FAM222B: variants seen among roughly 807,000 people sequenced by gnomAD.
FAM222B encodes the protein family with sequence similarity 222 member B, also known as protein FAM222B.
A neutral mutation model predicts 38.0 loss-of-function variants in FAM222B; 12 were observed. The ratio of observed to expected loss-of-function variants is 0.32; its 90% CI spans 0.20 to 0.51. The LOEUF is 0.51. Ranked by LOEUF, FAM222B falls within the 20% of genes least tolerant of loss-of-function variation. The probability of loss-of-function intolerance (pLI) is 0.97; values close to 1 mark genes in which losing one functional copy is unlikely to be tolerated. For synonymous variants in FAM222B, 329 were observed against 317.2 expected, an observed-to-expected ratio of 1.04 and a Z score of -0.40; for missense variants, 716 against 754.2, an observed-to-expected ratio of 0.95 and a Z score of 0.59.
rs182938126 is a variant in FAM222B at position 28,756,995 on chromosome 17, A to T, written c.*1275T>A. ...AGAATGGTGCAAAAATTTGTAACAAAACAGTCTAAGTTTAAAATTACAGAA... is the reference window on the plus strand; with the variant it reads ...AGAATGGTGCAAAAATTTGTAACAATACAGTCTAAGTTTAAAATTACAGAA... On this transcript the variant is annotated 3_prime_UTR_variant, in exon 3 of 3. Transcript: ENST00000581407. 1 of 152,628 alleles carries T rather than the reference A, an allele frequency of 6.6e-6. No homozygotes were observed. Among genetic ancestry groups the T allele is most frequent in the East Asian group, 1.9e-4 (1 of 5,190 alleles). The allele number at this position is 152,628 out of a possible 1,614,324, so 9.5% of individuals were successfully genotyped here.
At chr17:28,770,770 CTG>C (rs1258186409) in intron 1 of FAM222B, among the ~76,000 whole-genome samples, 2 of 151,772 alleles carry the variant, frequency 1.3e-5, no homozygotes, top group African/African-American at 2.4e-5. Context: ...CAGGGTTTCA[CTG>C]TGTTAGCCAG....
At chr17:28,783,847 G>A (rs780209913) in intron 1 of FAM222B, among the ~76,000 whole-genome samples, 1 of 151,436 alleles carries the variant, frequency 6.6e-6, no homozygotes, top group African/African-American at 2.4e-5. Context: ...TGCCCTGGCT[G>A]TAGTGCAGTG....
At chr17:28,850,762 A>G (rs1301999538) in intron 1 of FAM222B, among the ~76,000 whole-genome samples, 2 of 152,044 alleles carry the variant, frequency 1.3e-5, no homozygotes, top group South Asian at 2.1e-4. Flanking sequence ...GTGGTTCTAG[A>G]AACTTCTCGT....
In FAM222B at chr17:28,785,481, C is replaced by T. The variant is rs752661109; in HGVS notation, c.-40-18774G>A. 7.9e-5 allele frequency among the ~76,000 whole-genome samples: 12 copies of T among 152,088 alleles called. 1 individual carries two copies. In the South Asian group the frequency reaches 1.5e-3, roughly 18 times the overall value. On this transcript the variant is annotated intron_variant, in intron 1 of 2. Coordinates refer to ENST00000581407, the MANE Select transcript of FAM222B (RefSeq NM_001077498.3). ...ATCCCTCTGATTACACTATTATATA[C>T]GACAAAAACACACAATTCTAAGCCG...
intron 1 of FAM222B, among the ~76,000 whole-genome samples, chr17:28,774,319 A>G (rs186381527): frequency 8.1e-4 from 123 of 152,332 alleles, no homozygotes; most frequent in African/African-American, 2.8e-3. Context: ...AGAATCAAGT[A>G]GTAACCTGGA....
chr17:28,846,867 A>G (rs2039148923), upstream of FAM222B, among the ~76,000 whole-genome samples: 1 of 151,926 alleles, frequency 6.6e-6, no homozygotes, highest in Non-Finnish European at 1.5e-5. Flanking sequence ...GCAGAGGACC[A>G]TTTGAGGCCA....
intron 1 of FAM222B, among the ~76,000 whole-genome samples, chr17:28,826,681 C>CAAAAA (rs58793747): frequency 1.2e-5 from 1 of 85,030 alleles, no homozygotes; most frequent in Non-Finnish European, 2.5e-5. Context: ...AACTCCGTCT[C>CAAAAA]AAAAAAAAAA....
At chr17:28,809,473 T>A (rs962306212) in intron 1 of FAM222B, among the ~76,000 whole-genome samples, 6 of 152,120 alleles carry the variant, frequency 3.9e-5, no homozygotes, top group African/African-American at 1.4e-4. Flanking sequence ...CCCCTCAACC[T>A]AAGAGATTAT....
chr17:28,823,709 C>CA (rs1341269907), intron 1 of FAM222B, among the ~76,000 whole-genome samples: 1 of 152,074 alleles, frequency 6.6e-6, no homozygotes, highest in African/African-American at 2.4e-5. Context: ...TCTCTAGCCA[C>CA]AAACCATCTG....
intron 1 of FAM222B, chr17:28,834,700 T>G (rs560792101): frequency 6.6e-6 from 1 of 152,070 alleles, no homozygotes; most frequent in Non-Finnish European, 1.5e-5. Context: ...ACTATTTATG[T>G]GTTGGTCTCT....
chr17:28,774,949 ATAAAT>A (rs1374122515), intron 1 of FAM222B, among the ~76,000 whole-genome samples: 2 of 151,190 alleles, frequency 1.3e-5, no homozygotes, highest in Non-Finnish European at 2.9e-5. Flanking sequence ...CTCAAAATAA[ATAAAT>A]TAAATAAATA....
chr17:28,788,812 G>A (rs2036533598), intron 1 of FAM222B, among the ~76,000 whole-genome samples: 1 of 151,920 alleles, frequency 6.6e-6, no homozygotes. Context: ...TGCAATATTG[G>A]CTTACTATAA....
At chr17:28,791,211 A>G (rs2036670367) in intron 1 of FAM222B, among the ~76,000 whole-genome samples, 1 of 151,614 alleles carries the variant, frequency 6.6e-6, no homozygotes, top group Non-Finnish European at 1.5e-5. Context: ...GCCTGGACAA[A>G]TTTTTTTATT....
At chr17:28,769,242 C>T (rs2035497163) in intron 1 of FAM222B, among the ~76,000 whole-genome samples, 1 of 128,020 alleles carries the variant, frequency 7.8e-6, no homozygotes, top group Non-Finnish European at 1.6e-5. Flanking sequence ...TGCAGTGGTG[C>T]GATCTCGGTT....
chr17:28,805,081 G>A (rs1328351546), intron 1 of FAM222B, among the ~76,000 whole-genome samples: 2 of 151,926 alleles, frequency 1.3e-5, no homozygotes, highest in African/African-American at 4.8e-5. Flanking sequence ...AGTGTAGTCT[G>A]GACATGATAG....
intron 1 of FAM222B, among the ~76,000 whole-genome samples, chr17:28,811,936 T>C (rs1206805573): frequency 6.6e-6 from 1 of 152,088 alleles, no homozygotes; most frequent in African/African-American, 2.4e-5. Flanking sequence ...CTGCATCAGA[T>C]ACCACACAAA....
At chr17:28,850,458 C>T (rs913237650) in intron 1 of FAM222B, among the ~76,000 whole-genome samples, 44 of 151,980 alleles carry the variant, frequency 2.9e-4, no homozygotes, top group African/African-American at 9.4e-4. Context: ...CCTGACACCA[C>T]GCCCGGCTTT....
rs760331035 is a variant in FAM222B, at chr17:28,759,742, G to A, written c.217C>T (p.His73Tyr). The A allele has an allele frequency of 7.4e-6, 12 of 1,613,824 alleles. No individual in the cohort carries two copies. Among genetic ancestry groups the A allele is most frequent in the Non-Finnish European group, 1.0e-5 (12 of 1,179,824 alleles). ...PNSVKVPQRK[H>Y]VRRTVNGLDT... ...AGGCCGTTCACAGTACGACGAACGT[G>A]TTTCCGCTGGGGAACCTTCACACTG... The change falls in exon 3 of 3, where the codon CAC becomes TAC. Residue 73 changes from histidine (H) to tyrosine (Y), a missense_variant. His to Tyr is a moderately conservative substitution (Grantham distance 83, BLOSUM62 2). Coordinates refer to ENST00000581407, the MANE Select transcript of FAM222B (RefSeq NM_001077498.3). This position sits in a 1 kb window ranked among gnomAD's most constrained non-coding sequence, Gnocchi z 4.8.
At chr17:28,837,333 G>A (rs2152624169) in intron 1 of FAM222B, among the ~76,000 whole-genome samples, 1 of 150,666 alleles carries the variant, frequency 6.6e-6, no homozygotes, top group East Asian at 2.0e-4. Context: ...GGGAGGCTGA[G>A]GCAGGAGAAT....
Sources: gnomAD v4.1 joint callset for allele counts (sites outside exome capture counted in the v4.1 genomes callset) on GRCh38, gnomAD v4.1.1 for gene constraint, Gnocchi (gnomAD v3.1) non-coding constraint, MANE v1.5 for transcripts, NCBI Gene and HGNC (gene_info 2026-07-23, HGNC 2026-07-21) for gene names.